Variants in PPP1R36 observed in about 807,000 individuals in gnomAD.
PPP1R36 encodes the protein chromosome 14 open reading frame 50.
A neutral mutation model predicts 53.4 loss-of-function variants in PPP1R36; 47 were observed. The ratio of observed to expected loss-of-function variants is 0.88; its 90% confidence interval spans 0.70 to 1.12. PPP1R36 has a LOEUF of 1.12. Among genes scored for constraint, PPP1R36 ranks in the 50% most tolerant of loss-of-function variants. The probability of loss-of-function intolerance (pLI) is 0.00; values close to 1 mark genes in which losing one functional copy is unlikely to be tolerated. For synonymous variants in PPP1R36, 153 were observed against 170.5 expected, an observed-to-expected ratio of 0.90 and a Z score of 0.80; for missense variants, 456 against 513.9, an observed-to-expected ratio of 0.89 and a Z score of 1.09.
At chr14:64,561,654 C>T in intron 3 of PPP1R36, 3 of 385,676 alleles carry the variant, frequency 7.8e-6, no homozygotes, top group South Asian at 5.8e-5. Flanking sequence ...TGGTATAGTT[C>T]ATCAGCATGC....
chr14:64,586,800 C>G, intron 8 of PPP1R36, 37 bp from the exon 9 acceptor site: 1 of 1,480,312 alleles, frequency 6.8e-7, no homozygotes, highest in South Asian at 1.2e-5. Context: ...GATTGAACTT[C>G]CCTCTCAACC....
At chr14:64,569,442 C>A (rs557382375) in intron 7 of PPP1R36, among the ~76,000 whole-genome samples, 1 of 152,212 alleles carries the variant, frequency 6.6e-6, no homozygotes, top group African/African-American at 2.4e-5. Context: ...TTGTAAAGAA[C>A]CAAATAAATA....
chr14:64,573,913 C>CAAAAA lies in PPP1R36; in HGVS notation c.534-515_534-511dup, dbSNP rs35427371. ...TGGGCGACACAGCGAGACTCTGTCT[C>CAAAAA]AAAAAAAAAAAAAAAAAAAAAAAAA... On this transcript the variant is annotated intron_variant, in intron 7 of 11. Coordinates refer to ENST00000298705, the MANE Select transcript of PPP1R36 (RefSeq NM_172365.3). Among the ~76,000 whole-genome samples the CAAAAA allele has an allele frequency of 6.1e-4, 20 of 32,540 alleles. 1 individual carries two copies. The highest frequency in any genetic ancestry group is 1.3e-3 in the Admixed American group (2 of 1,576). 21.3% of individuals were successfully genotyped at this position (32,540 alleles called of 152,430 possible). A position where few individuals can be genotyped will look rare whatever the true frequency, so the allele number is the denominator to read the frequency against.
chr14:64,581,664 G>C (rs1296428815), intron 8 of PPP1R36, among the ~76,000 whole-genome samples: 1 of 151,490 alleles, frequency 6.6e-6, no homozygotes, highest in African/African-American at 2.4e-5. Flanking sequence ...AAGTGTGGGG[G>C]GTGGTCCCTG....
intron 8 of PPP1R36, among the ~76,000 whole-genome samples, chr14:64,583,118 G>C (rs1179339931): frequency 6.9e-6 from 1 of 144,724 alleles, no homozygotes; most frequent in Non-Finnish European, 1.5e-5. Context: ...TTGCCATCTT[G>C]CCCAGGCTGG....
intron 1 of PPP1R36, 47 bp from the exon 2 acceptor site, chr14:64,550,874 T>C (rs2080088849): frequency 7.1e-7 from 1 of 1,400,028 alleles, no homozygotes; most frequent in African/African-American, 1.4e-5. Flanking sequence ...ATATGGATTG[T>C]AAATTGAGCT....
intron 3 of PPP1R36, among the ~76,000 whole-genome samples, chr14:64,560,103 CAAAAA>C (rs1171697200): frequency 7.3e-5 from 2 of 27,476 alleles, no homozygotes; most frequent in South Asian, 2.7e-3. Context: ...GAATCTGTCA[CAAAAA>C]AAAAAAAAAA....
chr14:64,576,943 C>CCA (rs2080346239), intron 8 of PPP1R36, among the ~76,000 whole-genome samples: 1 of 152,200 alleles, frequency 6.6e-6, no homozygotes, highest in African/African-American at 2.4e-5. Flanking sequence ...CCTGAATCCA[C>CCA]CACCAGGTCT....
intron 3 of PPP1R36, among the ~76,000 whole-genome samples, chr14:64,561,188 A>T (rs908439590): frequency 6.6e-6 from 1 of 152,190 alleles, no homozygotes; most frequent in African/African-American, 2.4e-5. Flanking sequence ...CAACTTTTAT[A>T]CCCACTAGCC....
chr14:64,561,728 C>G lies in PPP1R36; in HGVS notation c.183-3023C>G. The G allele has an allele frequency of 1.3e-5, 6 of 455,114 alleles. 1 individual carries two copies. The highest frequency in any genetic ancestry group is 9.3e-5 in the South Asian group (6 of 64,374). 28.2% of individuals were successfully genotyped at this position (455,114 alleles called of 1,614,324 possible). ...CTCACAGGCATCATCTAGGTTGGCCCATGAGGCAGACTTTTCTCTCTGACA... is the reference window on the plus strand; with the variant it reads ...CTCACAGGCATCATCTAGGTTGGCCGATGAGGCAGACTTTTCTCTCTGACA... On this transcript the variant is annotated intron_variant, in intron 3 of 11. Transcript: ENST00000298705.
Position 64,588,217 on chromosome 14 carries a change from A to G in PPP1R36, c.1004A>G (p.Lys335Arg), listed in dbSNP as rs778887900. Residue 335 changes from lysine to arginine, a missense_variant, in exon 11 of 12, where the codon AAG becomes AGG. By Grantham distance (26) the Lys-to-Arg change is conservative (BLOSUM62 2). Transcript: ENST00000298705. ...AAAGCTCAAAACGTCTTTGAGAAAA[A>G]GTATCATCAAGTAGACGTCAGATTC... ...REKAQNVFEK[K>R]YHQVDVRFPA... 1.7e-5 allele frequency: 28 copies of G among 1,614,148 alleles called. No individual in the cohort carries two copies. Among genetic ancestry groups the G allele is most frequent in the Admixed American group, 1.2e-4 (7 of 60,032 alleles).
At chr14:64,586,717 G>A in intron 8 of PPP1R36, 120 bp from the exon 9 acceptor site, 1 of 642,254 alleles carries the variant, frequency 1.6e-6, no homozygotes. Context: ...TAGCATTTGT[G>A]TAGCTGAAAA....
intron 3 of PPP1R36, among the ~76,000 whole-genome samples, chr14:64,553,900 T>C (rs2080120524): frequency 2.1e-5 from 3 of 145,426 alleles, no homozygotes; most frequent in Admixed American, 6.9e-5. Flanking sequence ...GTTAAGGGAG[T>C]TGGAAAAGGA....
At chr14:64,569,062 C>G (rs1276666875) in intron 7 of PPP1R36, among the ~76,000 whole-genome samples, 1 of 151,974 alleles carries the variant, frequency 6.6e-6, no homozygotes, top group Non-Finnish European at 1.5e-5. Flanking sequence ...ATATATTTGG[C>G]CAAAGTGGCA....
At chr14:64,550,463 G>C (rs1263779099) in intron 1 of PPP1R36, among the ~76,000 whole-genome samples, 1 of 152,226 alleles carries the variant, frequency 6.6e-6, no homozygotes, top group Non-Finnish European at 1.5e-5. Flanking sequence ...GGCAGGCTCA[G>C]TGTTGGAGCC....
chr14:64,586,201 G>A (rs1298319461), intron 8 of PPP1R36: 2 of 152,224 alleles, frequency 1.3e-5, no homozygotes. Context: ...TGAAACTCCT[G>A]GCCTCAAGTG....
chr14:64,568,153 AC>A (rs2080275227), intron 6 of PPP1R36, among the ~76,000 whole-genome samples, 195 bp from the exon 7 acceptor site: 1 of 152,198 alleles, frequency 6.6e-6, no homozygotes, highest in Non-Finnish European at 1.5e-5. Flanking sequence ...AGTTTTACTT[AC>A]AAAAACCAGA....
chr14:64,589,335 G>A lies in PPP1R36; in HGVS notation c.1266G>A (p.Lys422=), dbSNP rs1199069375. 2 of 1,604,206 alleles carry A rather than the reference G, an allele frequency of 1.2e-6. No homozygotes were observed. The highest frequency in any genetic ancestry group is 1.3e-5 in the African/African-American group (1 of 74,712). Residue 422 remains lysine (K), a synonymous_variant, in exon 12 of 12, where the codon AAG becomes AAA. Coordinates refer to ENST00000298705, the MANE Select transcript of PPP1R36 (RefSeq NM_172365.3). The stretch of plus-strand genomic sequence containing the variant: ...TGTCCTCTCATACATCATGCCCTAA[G>A]TAACCTGGTACATTCCATATCTCAA... ...KTLSSHTSCP[K]
At chr14:64,588,338 A>T in intron 11 of PPP1R36, 43 bp downstream of exon 11, 1 of 1,543,878 alleles carries the variant, frequency 6.5e-7, no homozygotes, top group Non-Finnish European at 8.8e-7. Context: ...TTGAGGTGGC[A>T]TCCCAGGTGG....
Sources: gnomAD v4.1 joint callset for allele counts (sites outside exome capture counted in the v4.1 genomes callset) on GRCh38, gnomAD v4.1.1 for gene constraint, MANE v1.5 for transcripts, NCBI Gene and HGNC (gene_info 2026-07-23, HGNC 2026-07-21) for gene names.